The following CCBE1 variants were observed in gnomAD, a reference collection of about 807,000 sequenced individuals.
CCBE1 encodes the protein collagen and calcium-binding EGF domain-containing protein 1.
A neutral mutation model predicts 50.0 loss-of-function variants in CCBE1; 37 were observed. That is an observed-to-expected ratio of 0.74 (90% confidence interval 0.57 to 0.97). The LOEUF (loss-of-function observed/expected upper bound fraction) is 0.97, where lower values mean the gene tolerates loss of function less well. CCBE1 is among the 50% of genes least tolerant of loss of function. The probability of loss-of-function intolerance (pLI) is 0.00; values close to 1 mark genes in which losing one functional copy is unlikely to be tolerated. For synonymous variants in CCBE1, 234 were observed against 203.7 expected, an observed-to-expected ratio of 1.15 and a Z score of -1.27; for missense variants, 538 against 523.8, an observed-to-expected ratio of 1.03 and a Z score of -0.26.
intron 2 of CCBE1, among the ~76,000 whole-genome samples, chr18:59,574,988 G>A (rs1272752002): frequency 6.6e-6 from 1 of 152,092 alleles, no homozygotes; most frequent in Non-Finnish European, 1.5e-5. Flanking sequence ...TATAAAAAGG[G>A]GAAATTTGGA....
chr18:59,503,382 G>C (rs1913719501), intron 2 of CCBE1, among the ~76,000 whole-genome samples: 1 of 152,196 alleles, frequency 6.6e-6, no homozygotes, highest in Non-Finnish European at 1.5e-5. Context: ...TTACAGACCA[G>C]GAAACTGAGG....
Position 59,480,203 on chromosome 18 carries a change from C to T in CCBE1, c.248G>A (p.Gly83Glu). 6.3e-7 allele frequency: 1 copy of T among 1,597,888 alleles called. No homozygotes were observed. Among genetic ancestry groups the T allele is most frequent in the African/African-American group, 1.3e-5 (1 of 74,668 alleles). ...KCCKGYKFVL[G>E]QCIPEDYDVC... ...TTACATACCTTCTGGGATGCATTGT[C>T]CAAGAACAAATTTATATCCTTTGCA... The change falls in exon 3 of 11, where the codon GGA becomes GAA. Residue 83 changes from glycine (G) to glutamate (E), a missense_variant. By Grantham distance (98) the Gly-to-Glu change is moderately conservative. Transcript: ENST00000439986.
intron 6 of CCBE1, among the ~76,000 whole-genome samples, chr18:59,448,967 G>A (rs1910806908): frequency 6.6e-6 from 1 of 152,182 alleles, no homozygotes; most frequent in Admixed American, 6.5e-5. Context: ...CCCTGGGGAG[G>A]AAAGGAGTGA....
chr18:59,480,821 T>A (rs1460737535), intron 2 of CCBE1, among the ~76,000 whole-genome samples: 1 of 152,038 alleles, frequency 6.6e-6, no homozygotes, highest in Non-Finnish European at 1.5e-5. Context: ...GAATTTAAAA[T>A]ATAGCAAACA....
At position 59,600,163 on chromosome 18, in the gene CCBE1, G is replaced by A. The variant is rs956292939; in HGVS notation, c.212+96466C>T. On this transcript the variant is annotated intron_variant, in intron 2 of 10. Transcript: ENST00000439986. ...TCTGTGGCCTGTTAGGAACCGGGCTGTGGGCAAGTGAGCATTTCTACCTGT... is the reference window on the plus strand; with the variant it reads ...TCTGTGGCCTGTTAGGAACCGGGCTATGGGCAAGTGAGCATTTCTACCTGT... Among the ~76,000 whole-genome samples, 3 of 152,174 alleles carry A rather than the reference G, an allele frequency of 2.0e-5. No homozygotes were observed. In the South Asian group the frequency reaches 6.2e-4, roughly 32 times the overall value.
chr18:59,610,791 T>C (rs1475505153), intron 2 of CCBE1, among the ~76,000 whole-genome samples: 2 of 152,150 alleles, frequency 1.3e-5, no homozygotes, highest in African/African-American at 4.8e-5. Context: ...GGTGAACCAG[T>C]GCATTCTTCA....
At chr18:59,514,745 C>T (rs983503785) in intron 2 of CCBE1, among the ~76,000 whole-genome samples, 7 of 151,658 alleles carry the variant, frequency 4.6e-5, no homozygotes, top group Admixed American at 2.0e-4. Flanking sequence ...CCCTTTGCCA[C>T]GACACAGAAT....
chr18:59,653,132 G>T (rs570516667), intron 2 of CCBE1, among the ~76,000 whole-genome samples: 2 of 152,274 alleles, frequency 1.3e-5, no homozygotes, highest in East Asian at 1.9e-4. Flanking sequence ...TATACGTGTG[G>T]CATAAACCTG....
rs568293613 is a variant in CCBE1 at position 59,642,864 on chromosome 18, G to A, written c.212+53765C>T. Among the ~76,000 whole-genome samples, 20 of 148,764 alleles carry A rather than the reference G, an allele frequency of 1.3e-4. No individual in the cohort carries two copies. The South Asian group carries it at 1.5e-3, about 11-fold the overall frequency. ...TTCGGGAGGCTGAGGCAGGAGAATC[G>A]CTTGAACCTGGGAGGCGGAGGTTGC... On this transcript the variant is annotated intron_variant, in intron 2 of 10. Coordinates refer to ENST00000439986, the MANE Select transcript of CCBE1 (RefSeq NM_133459.4).
chr18:59,673,527 C>T (rs1440289221), intron 2 of CCBE1, among the ~76,000 whole-genome samples: 1 of 152,188 alleles, frequency 6.6e-6, no homozygotes, highest in East Asian at 1.9e-4. Context: ...GTGCCTGGAA[C>T]ATAGTAAGTG....
At chr18:59,481,311 A>G (rs1244976445) in intron 2 of CCBE1, among the ~76,000 whole-genome samples, 2 of 144,512 alleles carry the variant, frequency 1.4e-5, no homozygotes, top group Non-Finnish European at 3.0e-5. Flanking sequence ...GACTTAAAAA[A>G]AGGAACAGAG....
intron 2 of CCBE1, among the ~76,000 whole-genome samples, chr18:59,485,584 A>ATTTATTTATT (rs1912776913): frequency 2.1e-5 from 3 of 140,856 alleles, no homozygotes; most frequent in African/African-American, 7.9e-5. Flanking sequence ...GATATATCAG[A>ATTTATTTATT]TATTTATTTA....
Position 59,696,857 on chromosome 18 carries a change from G to C in CCBE1, c.132-148C>G, listed in dbSNP as rs3114280. ...GGCTGGTCCCCAAACGCGTACGCGG[G>C]GCAGACTCCGGCCACAGGGACGAGC... On this transcript the variant is annotated intron_variant, in intron 1 of 10. Transcript: ENST00000439986. The C allele has an allele frequency of 0.43, 374,496 of 866,650 alleles. 84,398 individuals carry two copies. Among genetic ancestry groups the C allele is most frequent in the Non-Finnish European group, 0.48 (256,721 of 535,696 alleles). 53.7% of individuals were successfully genotyped at this position (866,650 alleles called of 1,614,324 possible).
At chr18:59,625,273 T>C (rs1035787495) in intron 2 of CCBE1, among the ~76,000 whole-genome samples, 2 of 148,682 alleles carry the variant, frequency 1.3e-5, no homozygotes, top group Non-Finnish European at 1.5e-5. Flanking sequence ...CTACTAAAAA[T>C]ACAAAAAATT....
intron 5 of CCBE1, among the ~76,000 whole-genome samples, chr18:59,466,352 G>T (rs1213212374): frequency 6.6e-6 from 1 of 151,924 alleles, no homozygotes; most frequent in Non-Finnish European, 1.5e-5. Context: ...ACGTTCTCTT[G>T]CCTGCAACCG....
chr18:59,635,548 T>C (rs150398407), intron 2 of CCBE1, among the ~76,000 whole-genome samples: 2,330 of 152,126 alleles, frequency 0.015, 33 homozygotes, highest in Middle Eastern at 0.055. Context: ...TGATTAAAAA[T>C]CACAGATACA....
chr18:59,658,890 A>AC (rs2054243624), intron 2 of CCBE1, among the ~76,000 whole-genome samples: 1 of 150,528 alleles, frequency 6.6e-6, no homozygotes, highest in African/African-American at 2.4e-5. Flanking sequence ...AAAAAAAAAA[A>AC]AAAAAAAAAA....
Position 59,504,751 on chromosome 18 carries a change from T to C in CCBE1, c.213-24513A>G, listed in dbSNP as rs145178272. Among the ~76,000 whole-genome samples, 746 of 152,350 alleles carry C rather than the reference T, an allele frequency of 4.9e-3. 4 individuals carry two copies. Among genetic ancestry groups the C allele is most frequent in the African/African-American group, 0.016 (686 of 41,580 alleles). On this transcript the variant is annotated intron_variant, in intron 2 of 10. Coordinates refer to ENST00000439986, the MANE Select transcript of CCBE1 (RefSeq NM_133459.4). ...GCCTCCACATGTGAAATGAAACTTA[T>C]CTAAATTCTGCCCACCCTTCAGATT... is the stretch of plus-strand genomic sequence containing the variant.
At chr18:59,458,683 T>C (rs775078732) in intron 5 of CCBE1, among the ~76,000 whole-genome samples, 1 of 152,194 alleles carries the variant, frequency 6.6e-6, no homozygotes, top group Admixed American at 6.5e-5. Context: ...GCTGGCCGTT[T>C]TGGAGGAGTG....
Sources: allele counts gnomAD v4.1 joint callset (sites outside exome capture counted in the v4.1 genomes callset), GRCh38; gene constraint gnomAD v4.1.1; transcripts MANE v1.5; gene names NCBI Gene and HGNC (gene_info 2026-07-23, HGNC 2026-07-21).